NECTIN3: variants seen among roughly 807,000 people sequenced by gnomAD.
NECTIN3 encodes nectin-3.
Under a neutral mutation model 49.4 loss-of-function variants are expected in NECTIN3, and 8 were observed. The observed-to-expected ratio is 0.16, with a 90% CI of 0.10 to 0.29. The LOEUF is 0.29. Among genes scored for constraint, NECTIN3 ranks in the 10% least tolerant of loss-of-function variants. The pLI is 1.00. For synonymous variants in NECTIN3, 277 were observed against 241.1 expected, an observed-to-expected ratio of 1.15 and a Z score of -1.38; for missense variants, 581 against 654.6, an observed-to-expected ratio of 0.89 and a Z score of 1.23.
Position 111,133,746 on chromosome 3 carries a change from T to C in NECTIN3, c.1181T>C (p.Leu394Ser). Residue 394 changes from leucine to serine, a missense_variant, in exon 6 of 6, where the codon TTG becomes TCG. By Grantham distance (145) the Leu-to-Ser change is moderately radical (BLOSUM62 -2). Around this residue, in one of 3 missense-constraint regions of NECTIN3, gnomAD observed 238 missense variants for 244.9 expected, o/e 0.97. Transcript: ENST00000485303. ...PKKLPFPLST[L>S]ATIKDDTIAT... ...AAATTGCCCTTCCCATTGTCAACTT[T>C]GGCAACAATTAAGGATGACACAATT... 1 of 1,613,976 alleles carries C rather than the reference T, an allele frequency of 6.2e-7. No homozygotes were observed. Among genetic ancestry groups the C allele is most frequent in the South Asian group, 1.1e-5 (1 of 91,076 alleles).
downstream of NECTIN3, among the ~76,000 whole-genome samples, chr3:111,139,798 A>G (rs528536011): frequency 6.6e-6 from 1 of 151,940 alleles, no homozygotes; most frequent in South Asian, 2.1e-4. Context: ...CCTATTATAC[A>G]TGTGCTACTA....
At chr3:111,072,604 G>C (rs1161333787) in intron 1 of NECTIN3, 6 of 1,526,564 alleles carry the variant, frequency 3.9e-6, no homozygotes, top group Non-Finnish European at 5.3e-6. Context: ...GAGCCCGATG[G>C]AATGAAGCCT....
rs544344740 is a variant in NECTIN3 at position 111,155,288 on chromosome 3, T to C, written c.1221+7804T>C. ...TTTTGATGATGTTCAGATTATATGATAACAATGTAGTGCCATGCTTTTATC... is the reference window on the plus strand; with the variant it reads ...TTTTGATGATGTTCAGATTATATGACAACAATGTAGTGCCATGCTTTTATC... On this transcript the variant is annotated intron_variant, in intron 7 of 8. Coordinates refer to the NECTIN3 transcript ENST00000493615. Among the ~76,000 whole-genome samples, 472 of 152,326 alleles carry C rather than the reference T, an allele frequency of 3.1e-3. 2 individuals carry two copies. Among genetic ancestry groups the C allele is most frequent in the African/African-American group, 0.011 (446 of 41,582 alleles).
At chr3:111,138,413 G>A (rs143927352), downstream of NECTIN3, among the ~76,000 whole-genome samples, 430 of 151,378 alleles carry the variant, frequency 2.8e-3, 2 homozygotes, top group African/African-American at 9.6e-3. Context: ...ATGCTTTTCT[G>A]TTTATATATT....
rs149313956 is a variant in NECTIN3 at position 111,095,705 on chromosome 3, G to A, written c.161-16325G>A. 3.0e-3 allele frequency among the ~76,000 whole-genome samples: 461 copies of A among 152,288 alleles called. 3 individuals are homozygous for A. The highest frequency in any genetic ancestry group is 0.01 in the African/African-American group (424 of 41,548). On this transcript the variant is annotated intron_variant, in intron 1 of 5. Transcript: ENST00000485303. ...CAGGTCTTTCCTGTGATCTCCTTGT[G>A]ATAGTAAGTCTCATGAGATCTGATG...
intron 5 of NECTIN3, among the ~76,000 whole-genome samples, 160 bp downstream of exon 5, chr3:111,126,495 A>G (rs1187471588): frequency 1.3e-5 from 2 of 152,196 alleles, no homozygotes; most frequent in African/African-American, 2.4e-5. Context: ...AAATAATCCT[A>G]TCCTGAGATA....
chr3:111,100,534 G>A (rs1344944512), intron 1 of NECTIN3, among the ~76,000 whole-genome samples: 7 of 151,912 alleles, frequency 4.6e-5, no homozygotes, highest in South Asian at 2.1e-4. Flanking sequence ...TCATGTATAT[G>A]CAAATATTTC....
downstream of NECTIN3, among the ~76,000 whole-genome samples, chr3:111,140,322 A>G (rs941297190): frequency 5.3e-5 from 8 of 151,798 alleles, no homozygotes; most frequent in Non-Finnish European, 8.8e-5. Flanking sequence ...GAGTAAATGT[A>G]AATATATTTT....
At chr3:111,082,180 A>G (rs1463745154) in intron 1 of NECTIN3, among the ~76,000 whole-genome samples, 2 of 152,210 alleles carry the variant, frequency 1.3e-5, no homozygotes, top group African/African-American at 2.4e-5. Context: ...GGAAAGGATG[A>G]TGAGAGGATT....
At position 111,075,722 on chromosome 3, in the gene NECTIN3, C is replaced by T. The variant is rs1486360378; in HGVS notation, c.160+3545C>T. On this transcript the variant is annotated intron_variant, in intron 1 of 5. Transcript: ENST00000485303. ...GTTAAATTTACTTTATATAAATATACAGATGAGTATTCAGAATATTAGAAT... is the reference window on the plus strand; with the variant it reads ...GTTAAATTTACTTTATATAAATATATAGATGAGTATTCAGAATATTAGAAT... Among the ~76,000 whole-genome samples, 3 of 152,146 alleles carry T rather than the reference C, an allele frequency of 2.0e-5. No individual in the cohort carries two copies. In the East Asian group the frequency reaches 5.8e-4, roughly 29 times the overall value.
intron 4 of NECTIN3, 86 bp from the exon 5 acceptor site, chr3:111,126,098 C>T: frequency 1.0e-6 from 1 of 955,156 alleles, no homozygotes; most frequent in Non-Finnish European, 1.4e-6. Context: ...ACTAACATCT[C>T]AAACATATAA....
chr3:111,134,474 A>C lies in NECTIN3; in HGVS notation c.*259A>C, dbSNP rs1160481383. ...GCAGAGTACTTTATTGGTGTGAGGC[A>C]CACAGGTAAGAAGAAATGTCAACAT... On this transcript the variant is annotated 3_prime_UTR_variant, in exon 6 of 6. Transcript: ENST00000485303. The C allele has an allele frequency of 1.8e-6, 2 of 1,117,124 alleles. No homozygotes were observed. The highest frequency in any genetic ancestry group is 2.2e-6 in the Non-Finnish European group (2 of 913,242). The allele number at this position is 1,117,124 out of a possible 1,614,324, so 69.2% of individuals were successfully genotyped here. A position where few individuals can be genotyped will look rare whatever the true frequency, so the allele number is the denominator to read the frequency against.
chr3:111,166,136 A>T (rs1163756250), intron 7 of NECTIN3, among the ~76,000 whole-genome samples: 1 of 152,190 alleles, frequency 6.6e-6, no homozygotes, highest in Non-Finnish European at 1.5e-5. Context: ...TTAGAGTTGC[A>T]GTTTCATGTC....
At chr3:111,121,847 G>A (rs2033969336) in intron 3 of NECTIN3, among the ~76,000 whole-genome samples, 1 of 151,994 alleles carries the variant, frequency 6.6e-6, no homozygotes, top group Admixed American at 6.6e-5. Flanking sequence ...GGTGATTATA[G>A]GTTTATGAAT....
In NECTIN3 at chr3:111,122,171, A is replaced by C. The variant is rs150655905; in HGVS notation, c.850A>C (p.Arg284=). 3.7e-6 allele frequency: 6 copies of C among 1,613,500 alleles called. No individual in the cohort carries two copies. In the African/African-American group the frequency reaches 8.0e-5, roughly 22 times the overall value. ...TGYDGNWFVG[R]KGVNLKCNAD... ...ATATGATGGAAATTGGTTTGTAGGA[A>C]GAAAAGGTGTTAATCTCAAATGTAA... The change falls in exon 4 of 6, where the codon AGA becomes CGA. Residue 284 remains arginine (R), a synonymous_variant. Transcript: ENST00000485303.
intron 1 of NECTIN3, among the ~76,000 whole-genome samples, chr3:111,081,245 C>T (rs2031583510): frequency 1.3e-5 from 2 of 152,210 alleles, no homozygotes; most frequent in African/African-American, 4.8e-5. Context: ...TTTGCCTCTG[C>T]ATTCCATCCT....
chr3:111,102,601 T>C (rs2032967477), intron 1 of NECTIN3, among the ~76,000 whole-genome samples: 1 of 152,224 alleles, frequency 6.6e-6, no homozygotes, highest in Non-Finnish European at 1.5e-5. Context: ...GGCTTGTCTT[T>C]TTATTCTCTT....
intron 3 of NECTIN3, among the ~76,000 whole-genome samples, chr3:111,120,430 T>G (rs2033895251): frequency 2.0e-5 from 3 of 152,202 alleles, no homozygotes; most frequent in Admixed American, 2.0e-4. Flanking sequence ...AGCACAAATT[T>G]ATACCTCAAT....
At chr3:111,170,020 C>T (rs548744412) in intron 7 of NECTIN3, among the ~76,000 whole-genome samples, 2 of 152,248 alleles carry the variant, frequency 1.3e-5, no homozygotes, top group Admixed American at 6.5e-5. Context: ...CTTGTGTGCC[C>T]CCCTTTGTCT....
Sources: gnomAD v4.1 joint callset for allele counts (sites outside exome capture counted in the v4.1 genomes callset) on GRCh38, gnomAD v4.1.1 for gene constraint, gnomAD v4.1.1 regional missense constraint, MANE v1.5 for transcripts, NCBI Gene and HGNC (gene_info 2026-07-23, HGNC 2026-07-21) for gene names.